Variants in MYO5B observed in about 807,000 individuals in gnomAD.
The protein encoded by MYO5B is myosin VB.
MYO5B carries 143 observed loss-of-function variants against 229.3 expected under a neutral mutation model. The ratio of observed to expected loss-of-function variants is 0.62; its 90% confidence interval spans 0.54 to 0.72. The LOEUF is 0.72. Among genes scored for constraint, MYO5B ranks in the 30% least tolerant of loss-of-function variants. The pLI, the probability that MYO5B is intolerant of heterozygous loss-of-function variation, is 0.00. For missense variants in MYO5B, 2,321 were observed against 2,331.0 expected (o/e 1.00, Z 0.09); for synonymous variants, 918 against 885.2 (o/e 1.04, Z -0.66).
chr18:50,140,703 G>A (rs1019899911), intron 1 of MYO5B, among the ~76,000 whole-genome samples: 1 of 152,148 alleles, frequency 6.6e-6, no homozygotes, highest in Non-Finnish European at 1.5e-5. Context: ...GTAGAAGGGG[G>A]TGCAAACCAT....
intron 10 of MYO5B, among the ~76,000 whole-genome samples, chr18:49,964,170 G>A (rs1482010609): frequency 6.6e-6 from 1 of 152,202 alleles, no homozygotes; most frequent in African/African-American, 2.4e-5. Flanking sequence ...TTAAAAGGTA[G>A]AAGTAAATTA....
intron 29 of MYO5B, among the ~76,000 whole-genome samples, chr18:49,860,530 T>A (rs187241312): frequency 5.9e-5 from 9 of 152,284 alleles, no homozygotes; most frequent in African/African-American, 2.2e-4. Context: ...GAGCAGCTCC[T>A]CAATAATAGC....
At position 50,193,290 on chromosome 18, in the gene MYO5B, C is replaced by G. The variant is rs769085912; in HGVS notation, c.27+1477G>C. Among the ~76,000 whole-genome samples the G allele has an allele frequency of 6.2e-4, 94 of 152,360 alleles. 1 individual carries two copies. Among genetic ancestry groups the G allele is most frequent in the Middle Eastern group, 3.4e-3 (1 of 294 alleles). ...GCTCCCACCTCCTCCCCTCCTCCCC[C>G]AGAGGCCGTCGCCCATCCCTGATCG... On this transcript the variant is annotated intron_variant, in intron 1 of 39. Transcript: ENST00000285039.
chr18:49,879,762 C>T (rs1350057444), intron 23 of MYO5B, among the ~76,000 whole-genome samples: 1 of 152,152 alleles, frequency 6.6e-6, no homozygotes, highest in African/African-American at 2.4e-5. Flanking sequence ...CCTGCTCCTC[C>T]ACAGCCGAGT....
At chr18:49,868,790 C>A (rs191050100) in intron 27 of MYO5B, among the ~76,000 whole-genome samples, 1 of 152,338 alleles carries the variant, frequency 6.6e-6, no homozygotes, top group Admixed American at 6.5e-5. Flanking sequence ...GGAGACAATG[C>A]TCTGCAGGAG....
chr18:50,097,988 C>A (rs2031586023), intron 1 of MYO5B, among the ~76,000 whole-genome samples: 1 of 152,148 alleles, frequency 6.6e-6, no homozygotes, highest in African/African-American at 2.4e-5. Context: ...TGCTTTTTGC[C>A]AAAGAGGCTA....
At chr18:50,079,932 T>C (rs765444682) in intron 1 of MYO5B, among the ~76,000 whole-genome samples, 3 of 152,320 alleles carry the variant, frequency 2.0e-5, no homozygotes, top group South Asian at 4.1e-4. Flanking sequence ...ACAACTCAGA[T>C]GCCTGAGATG....
At chr18:50,104,290 A>ATC (rs1477172527) in intron 1 of MYO5B, among the ~76,000 whole-genome samples, 7 of 145,176 alleles carry the variant, frequency 4.8e-5, no homozygotes, top group East Asian at 4.0e-4. Flanking sequence ...ATATATATAT[A>ATC]TCTCATAAAT....
At chr18:50,135,868 C>G (rs896736195) in intron 1 of MYO5B, among the ~76,000 whole-genome samples, 1 of 152,180 alleles carries the variant, frequency 6.6e-6, no homozygotes, top group Non-Finnish European at 1.5e-5. Flanking sequence ...GATAGGTGTG[C>G]CTGCAAGTGG....
chr18:49,911,844 T>C (rs1242492187), intron 18 of MYO5B, among the ~76,000 whole-genome samples: 1 of 152,164 alleles, frequency 6.6e-6, no homozygotes, highest in South Asian at 2.1e-4. Context: ...CCATTTTCTA[T>C]GCCTGCTGAG....
chr18:49,927,423 T>C (rs892410362), intron 17 of MYO5B, among the ~76,000 whole-genome samples: 2 of 147,568 alleles, frequency 1.4e-5, no homozygotes, highest in Non-Finnish European at 3.0e-5. Context: ...AAAGCAAGAC[T>C]AGCAAAAACA....
intron 5 of MYO5B, among the ~76,000 whole-genome samples, 162 bp from the exon 6 acceptor site, chr18:49,992,593 T>C (rs545429285): frequency 6.6e-6 from 1 of 152,268 alleles, no homozygotes; most frequent in African/African-American, 2.4e-5. Flanking sequence ...AAACAAAAAC[T>C]TGAAACTCTT....
Position 49,887,226 on chromosome 18 carries a change from CTG to C in MYO5B, c.3046-6773_3046-6772del, listed in dbSNP as rs1362692759. ...ATGTTCTTAGGTGGCATTCATAGGA[CTG>C]GAGATTTCAGGACCCACTTGGTGAT... is the stretch of plus-strand genomic sequence containing the variant. On this transcript the variant is annotated intron_variant, in intron 22 of 39. Transcript: ENST00000285039. Among the ~76,000 whole-genome samples, 5 of 152,238 alleles carry C rather than the reference CTG, an allele frequency of 3.3e-5. No homozygotes were observed. The East Asian group carries it at 9.6e-4, about 29-fold the overall frequency.
intron 3 of MYO5B, among the ~76,000 whole-genome samples, chr18:50,038,999 A>C (rs2144387596): frequency 6.6e-6 from 1 of 152,258 alleles, no homozygotes; most frequent in African/African-American, 2.4e-5. Context: ...CTGGAAGAAA[A>C]ACTCACCCTA....
intron 1 of MYO5B, among the ~76,000 whole-genome samples, chr18:50,133,993 G>A (rs995543527): frequency 3.3e-5 from 5 of 152,128 alleles, no homozygotes; most frequent in African/African-American, 1.2e-4. Context: ...GAAAATAAAG[G>A]TTTTTTAAAG....
intron 1 of MYO5B, among the ~76,000 whole-genome samples, chr18:50,143,005 C>T (rs869126): frequency 0.12 from 17,626 of 152,278 alleles, 1,156 homozygotes; most frequent in East Asian, 0.24. Context: ...TGAACCAAAA[C>T]GCCATCACTT....
chr18:50,034,492 C>G (rs574959147), intron 4 of MYO5B, among the ~76,000 whole-genome samples: 1 of 152,306 alleles, frequency 6.6e-6, no homozygotes, highest in South Asian at 2.1e-4. Flanking sequence ...GCCTGTAATC[C>G]TAACATTTTG....
chr18:49,934,288 G>A (rs1157642597), intron 16 of MYO5B, among the ~76,000 whole-genome samples: 1 of 152,232 alleles, frequency 6.6e-6, no homozygotes, highest in Non-Finnish European at 1.5e-5. Flanking sequence ...AGACTAGCTT[G>A]CGACTGGCCA....
At chr18:49,996,839 TTA>T (rs1391191068) in intron 5 of MYO5B, among the ~76,000 whole-genome samples, 1 of 152,084 alleles carries the variant, frequency 6.6e-6, no homozygotes, top group East Asian at 1.9e-4. Context: ...AGGGACGGGG[TTA>T]TGTTACAAAA....
Sources: gnomAD v4.1 joint callset for allele counts (sites outside exome capture counted in the v4.1 genomes callset) on GRCh38, gnomAD v4.1.1 for gene constraint, MANE v1.5 for transcripts, NCBI Gene and HGNC (gene_info 2026-07-23, HGNC 2026-07-21) for gene names.